PXDNL: variants seen among roughly 807,000 people sequenced by gnomAD.
PXDNL encodes the protein probable oxidoreductase PXDNL.
In PXDNL, 145 loss-of-function variants were observed where a neutral mutation model predicts 150.8. The observed-to-expected ratio is 0.96, with a 90% CI of 0.84 to 1.10. PXDNL has a LOEUF of 1.10. Among genes scored for constraint, PXDNL ranks in the 50% least tolerant of loss-of-function variants. The probability of loss-of-function intolerance (pLI) is 0.00; values close to 1 mark genes in which losing one functional copy is unlikely to be tolerated. For missense variants in PXDNL, 2,087 were observed against 1,873.9 expected, an observed-to-expected ratio of 1.11 and a Z score of -2.10; for synonymous variants, 757 against 725.7, an observed-to-expected ratio of 1.04 and a Z score of -0.69.
chr8:51,749,941 C>T (rs1227037075), intron 1 of PXDNL, among the ~76,000 whole-genome samples: 1 of 152,092 alleles, frequency 6.6e-6, no homozygotes, highest in Admixed American at 6.5e-5. Flanking sequence ...CCTTGTGATC[C>T]TCCCAACCTC....
At position 51,457,533 on chromosome 8, in the gene PXDNL, G is replaced by A; in HGVS notation, c.947C>T (p.Thr316Ile). Residue 316 changes from threonine to isoleucine, a missense_variant, in exon 9 of 23, where the codon ACA (threonine) becomes ATA (isoleucine). Physicochemically the swap from Thr to Ile is moderately conservative, Grantham distance 89. Transcript: ENST00000356297. ...MARNSAGEAK[T>I]QSAMLRYSSL... ...GGAGTATCTGAGCATGGCACTCTGT[G>A]TCTTGGCTTCCCCAGCGGAATTTCT... 1 of 1,613,478 alleles carries A rather than the reference G, an allele frequency of 6.2e-7. No individual in the cohort carries two copies. The highest frequency in any genetic ancestry group is 8.5e-7 in the Non-Finnish European group (1 of 1,179,672).
At chr8:51,596,684 G>C (rs916489889) in intron 2 of PXDNL, among the ~76,000 whole-genome samples, 2 of 152,036 alleles carry the variant, frequency 1.3e-5, no homozygotes, top group African/African-American at 4.8e-5. Flanking sequence ...TCATACATTT[G>C]TTGGCCACAT....
intron 4 of PXDNL, among the ~76,000 whole-genome samples, chr8:51,545,477 TA>T (rs34405190): frequency 0.069 from 10,530 of 152,066 alleles, 459 homozygotes; most frequent in South Asian, 0.1. Context: ...GTACTGCTCT[TA>T]AAAAAAATAT....
chr8:51,642,084 T>C (rs1180720217), intron 2 of PXDNL, among the ~76,000 whole-genome samples: 1 of 152,008 alleles, frequency 6.6e-6, no homozygotes, highest in Non-Finnish European at 1.5e-5. Context: ...GAAACCATCA[T>C]TCTCAGTAAA....
chr8:51,644,145 CA>C (rs1188096540), intron 2 of PXDNL, among the ~76,000 whole-genome samples: 1 of 149,058 alleles, frequency 6.7e-6, no homozygotes, highest in Non-Finnish European at 1.5e-5. Flanking sequence ...GACTCCATCT[CA>C]AAAAAATAAA....
chr8:51,430,182 C>T (rs553540005), intron 12 of PXDNL, among the ~76,000 whole-genome samples: 1 of 152,364 alleles, frequency 6.6e-6, no homozygotes, highest in East Asian at 1.9e-4. Context: ...TAACACCACA[C>T]TCTAAAGCAA....
chr8:51,723,048 A>G (rs1816759534), intron 1 of PXDNL, among the ~76,000 whole-genome samples: 1 of 152,040 alleles, frequency 6.6e-6, no homozygotes, highest in Admixed American at 6.6e-5. Context: ...GGCCTCAAGA[A>G]TTCATTTCTA....
intron 19 of PXDNL, among the ~76,000 whole-genome samples, chr8:51,362,546 C>T (rs1806787764): frequency 6.6e-6 from 1 of 152,200 alleles, no homozygotes; most frequent in African/African-American, 2.4e-5. Context: ...GCTTTTCAGA[C>T]TATCTTGTCT....
At chr8:51,457,765 G>T in intron 8 of PXDNL, 98 bp from the exon 9 acceptor site, 1 of 783,028 alleles carries the variant, frequency 1.3e-6, no homozygotes, top group Non-Finnish European at 1.9e-6. Flanking sequence ...TATGTTTCAT[G>T]TCTACCAAAT....
chr8:51,429,666 C>T (rs1363074801), intron 12 of PXDNL, among the ~76,000 whole-genome samples: 1 of 150,422 alleles, frequency 6.6e-6, no homozygotes, highest in Admixed American at 6.6e-5. Flanking sequence ...AACTGTCTTC[C>T]TCGTGTTCTT....
At chr8:51,625,748 T>C (rs1278614900) in intron 2 of PXDNL, among the ~76,000 whole-genome samples, 1 of 152,216 alleles carries the variant, frequency 6.6e-6, no homozygotes, top group Non-Finnish European at 1.5e-5. Flanking sequence ...GAAATTAAAA[T>C]CAGCATTGAA....
rs761006289 is a variant in PXDNL at position 51,457,499 on chromosome 8, T to A, written c.981A>T (p.Pro327=). 4 of 1,604,384 alleles carry A rather than the reference T, an allele frequency of 2.5e-6. No individual in the cohort carries two copies. The Admixed American group carries it at 5.2e-5, about 21-fold the overall frequency. ...QSAMLRYSSL[P]AKPSFVIQPQ... Reference sequence around the variant, plus strand: ...AGAACTAGAAAATAATAGTTTTACCTGGAAGACTGGAGTATCTGAGCATGG... The same window carrying A: ...AGAACTAGAAAATAATAGTTTTACCAGGAAGACTGGAGTATCTGAGCATGG... The change falls in exon 9 of 23, where the codon CCA becomes CCT. Residue 327 remains proline (P), a splice_region_variant and synonymous_variant. Coordinates refer to ENST00000356297, the MANE Select transcript of PXDNL (RefSeq NM_144651.5).
chr8:51,557,732 G>A (rs767372677), intron 3 of PXDNL, among the ~76,000 whole-genome samples: 39 of 152,098 alleles, frequency 2.6e-4, no homozygotes, highest in Non-Finnish European at 4.3e-4. Context: ...CTACTCAATC[G>A]GACTCTCTCA....
At chr8:51,555,338 C>T (rs553515408) in intron 4 of PXDNL, among the ~76,000 whole-genome samples, 1 of 152,286 alleles carries the variant, frequency 6.6e-6, no homozygotes, top group African/African-American at 2.4e-5. Context: ...CTATTCATTA[C>T]CTTTCATGGT....
At chr8:51,538,176 C>T (rs1004027555) in intron 4 of PXDNL, among the ~76,000 whole-genome samples, 6 of 152,182 alleles carry the variant, frequency 3.9e-5, no homozygotes, top group Non-Finnish European at 5.9e-5. Flanking sequence ...GAAAGAGACA[C>T]CAGTGATTCT....
intron 21 of PXDNL, chr8:51,321,118 A>G (rs1161483837): frequency 6.9e-6 from 3 of 436,996 alleles, no homozygotes; most frequent in South Asian, 5.5e-5. Flanking sequence ...GTTAAAAAAT[A>G]TTGAACATGG....
chr8:51,796,471 A>G (rs1222569125), intron 1 of PXDNL, among the ~76,000 whole-genome samples: 3 of 152,188 alleles, frequency 2.0e-5, no homozygotes, highest in Non-Finnish European at 2.9e-5. Flanking sequence ...AATAGACACA[A>G]TAAAAAATGA....
intron 12 of PXDNL, chr8:51,436,122 T>A (rs1057071867): frequency 4.1e-5 from 21 of 515,482 alleles, no homozygotes; most frequent in Non-Finnish European, 7.5e-5. Flanking sequence ...CAGCTTTTGA[T>A]GAATTACTAC....
At chr8:51,700,877 C>T (rs549324426) in intron 1 of PXDNL, among the ~76,000 whole-genome samples, 3 of 151,652 alleles carry the variant, frequency 2.0e-5, no homozygotes, top group Admixed American at 2.0e-4. Flanking sequence ...TATACACACA[C>T]TCATATACAT....
Sources: gnomAD v4.1 joint callset for allele counts (sites outside exome capture counted in the v4.1 genomes callset) on GRCh38, gnomAD v4.1.1 for gene constraint, MANE v1.5 for transcripts, NCBI Gene and HGNC (gene_info 2026-07-23, HGNC 2026-07-21) for gene names.